Variants in CYLD observed in about 807,000 individuals in gnomAD.
The protein encoded by CYLD is ubiquitin carboxyl-terminal hydrolase CYLD.
Under a neutral mutation model 104.5 loss-of-function variants are expected in CYLD, and 26 were observed. That is an observed-to-expected ratio of 0.25 (90% CI 0.18 to 0.35). CYLD has a LOEUF of 0.35. CYLD is among the 10% of genes least tolerant of loss of function. CYLD has a pLI of 1.00. For missense variants in CYLD, 703 were observed against 1,136.1 expected, an observed-to-expected ratio of 0.62 and a Z score of 5.48; for synonymous variants, 385 against 399.9, an observed-to-expected ratio of 0.96 and a Z score of 0.45.
At chr16:50,781,963 ACT>A (rs2150997867) in intron 10 of CYLD, among the ~76,000 whole-genome samples, 1 of 152,158 alleles carries the variant, frequency 6.6e-6, no homozygotes, top group African/African-American at 2.4e-5. Context: ...TATGAAAAAC[ACT>A]CTTATTATGT....
intron 5 of CYLD, among the ~76,000 whole-genome samples, chr16:50,767,137 A>T (rs938158221): frequency 1.3e-5 from 2 of 152,208 alleles, no homozygotes; most frequent in African/African-American, 2.4e-5. Flanking sequence ...ACTTTCAGCA[A>T]CCATCACCGT....
At chr16:50,743,874 A>C (rs1965944250) in intron 2 of CYLD, among the ~76,000 whole-genome samples, 1 of 152,220 alleles carries the variant, frequency 6.6e-6, no homozygotes, top group Non-Finnish European at 1.5e-5. Flanking sequence ...TATCTAGAGA[A>C]TTACTGAAGT....
chr16:50,743,101 T>G (rs1471565847), intron 2 of CYLD, among the ~76,000 whole-genome samples: 3 of 152,130 alleles, frequency 2.0e-5, no homozygotes, highest in Non-Finnish European at 4.4e-5. Flanking sequence ...CCTGCCACCT[T>G]CTTCTCCTCA....
intron 18 of CYLD, chr16:50,795,752 C>A: frequency 1.7e-6 from 1 of 591,444 alleles, no homozygotes; most frequent in South Asian, 2.0e-5. Flanking sequence ...CACTAAACAG[C>A]GTAACACAAC....
At chr16:50,762,285 A>G (rs887745679) in intron 5 of CYLD, among the ~76,000 whole-genome samples, 3 of 151,838 alleles carry the variant, frequency 2.0e-5, no homozygotes, top group African/African-American at 4.8e-5. Context: ...TTCCTGTTCT[A>G]TACTGTTTTC....
rs1265604609 is a variant in CYLD, at chr16:50,801,888, A to T, written c.*5380A>T. On this transcript the variant is annotated 3_prime_UTR_variant, in exon 19 of 19. Coordinates refer to ENST00000427738, the MANE Select transcript of CYLD (RefSeq NM_001378743.1). Reference sequence around the variant, plus strand: ...GAATGAAGTGCTGCTGTGGAAAGAAATGTACATATACTATTTCTGTATCAT... The same window carrying T: ...GAATGAAGTGCTGCTGTGGAAAGAATTGTACATATACTATTTCTGTATCAT... 5 of 231,722 alleles carry T rather than the reference A, an allele frequency of 2.2e-5. No individual in the cohort carries two copies. Among genetic ancestry groups the T allele is most frequent in the Non-Finnish European group, 3.4e-5 (4 of 116,904 alleles). The allele number at this position is 231,722 out of a possible 1,614,324, so 14.4% of individuals were successfully genotyped here.
intron 3 of CYLD, among the ~76,000 whole-genome samples, 180 bp downstream of exon 3, chr16:50,750,382 C>T (rs1966521642): frequency 6.6e-6 from 1 of 152,110 alleles, no homozygotes; most frequent in African/African-American, 2.4e-5. Flanking sequence ...ATCCATAATC[C>T]AAAACTTGCT....
At position 50,799,930 on chromosome 16, in the gene CYLD, T is replaced by G. The variant is rs2151055268; in HGVS notation, c.*3422T>G. ...GTGCCTAGGATTGTATCAGAGGGAA[T>G]ATGAAATGTGTCCCTGCCCTACCTA... On this transcript the variant is annotated 3_prime_UTR_variant, in exon 19 of 19. Coordinates refer to ENST00000427738, the MANE Select transcript of CYLD (RefSeq NM_001378743.1). 4.3e-6 allele frequency: 1 copy of G among 233,054 alleles called. No individual in the cohort carries two copies. The highest frequency in any genetic ancestry group is 6.0e-5 in the East Asian group (1 of 16,552). 14.4% of individuals were successfully genotyped at this position (233,054 alleles called of 1,614,324 possible). A position where few individuals can be genotyped will look rare whatever the true frequency, so the allele number is the denominator to read the frequency against.
At chr16:50,779,422 G>A (rs898140667) in intron 8 of CYLD, among the ~76,000 whole-genome samples, 1 of 151,952 alleles carries the variant, frequency 6.6e-6, no homozygotes, top group Non-Finnish European at 1.5e-5. Context: ...TACGATACCC[G>A]CTGATAATAG....
Position 50,742,814 on chromosome 16 carries a change from A to T in CYLD, c.-151A>T, listed in dbSNP as rs1331022731. ...TCTACACAGCCACCCGGAGTTCCTT[A>T]GTTGAAAGGTGCGCCCTGCTGTGAC... is the stretch of plus-strand genomic sequence containing the variant. On this transcript the variant is annotated 5_prime_UTR_variant, in exon 2 of 19. Coordinates refer to ENST00000427738, the MANE Select transcript of CYLD (RefSeq NM_001378743.1). 1 of 371,008 alleles carries T rather than the reference A, an allele frequency of 2.7e-6. No homozygotes were observed. Among genetic ancestry groups the T allele is most frequent in the Non-Finnish European group, 4.7e-6 (1 of 211,938 alleles). The allele number at this position is 371,008 out of a possible 1,614,324, so 23.0% of individuals were successfully genotyped here.
chr16:50,747,856 T>C (rs752339413), intron 2 of CYLD, among the ~76,000 whole-genome samples: 64 of 152,246 alleles, frequency 4.2e-4, no homozygotes, highest in Non-Finnish European at 4.7e-4. Flanking sequence ...TACACAGATA[T>C]TTCAGTCATG....
rs1466338075 is a variant in CYLD at position 50,798,459 on chromosome 16, T to C, written c.*1951T>C. 4.3e-6 allele frequency: 1 copy of C among 232,500 alleles called. No homozygotes were observed. Among genetic ancestry groups the C allele is most frequent in the Non-Finnish European group, 8.5e-6 (1 of 117,710 alleles). 14.4% of individuals were successfully genotyped at this position (232,500 alleles called of 1,614,324 possible). On this transcript the variant is annotated 3_prime_UTR_variant, in exon 19 of 19. Transcript: ENST00000427738. ...ATCTAGAGATTATTTAATTAAAATA[T>C]ACAGGAGGATGTGTGTCAGTTATAT...
intron 16 of CYLD, 82 bp from the exon 17 acceptor site, chr16:50,793,464 A>G (rs1971630934): frequency 3.1e-6 from 3 of 976,078 alleles, no homozygotes; most frequent in Non-Finnish European, 5.0e-6. Context: ...TTTAAAGCCT[A>G]ACTTTTCTTT....
At chr16:50,770,453 C>CTT (rs1187147281) in intron 5 of CYLD, among the ~76,000 whole-genome samples, 3 of 142,008 alleles carry the variant, frequency 2.1e-5, no homozygotes, top group Non-Finnish European at 4.6e-5. Flanking sequence ...TTCTTTCTTT[C>CTT]TTTTTTTTTT....
At position 50,796,406 on chromosome 16, in the gene CYLD, G is replaced by T. The variant is rs564461318; in HGVS notation, c.2769G>T (p.Leu923=). ...ACTTGAAGATGTCTCTGGAAGACCTGCATTCCTTGGACTCCAGGAGAATCC... is the reference window on the plus strand; with the variant it reads ...ACTTGAAGATGTCTCTGGAAGACCTTCATTCCTTGGACTCCAGGAGAATCC... ...GEYLKMSLED[L]HSLDSRRIQG... is the part of the protein sequence containing the mutation. The change falls in exon 19 of 19, where the codon CTG becomes CTT. Residue 923 remains leucine (L), a synonymous_variant. Coordinates refer to ENST00000427738, the MANE Select transcript of CYLD (RefSeq NM_001378743.1). 6.2e-7 allele frequency: 1 copy of T among 1,614,106 alleles called. No individual in the cohort carries two copies. Among genetic ancestry groups the T allele is most frequent in the South Asian group, 1.1e-5 (1 of 91,076 alleles).
At chr16:50,757,051 A>T (rs1432376848) in intron 5 of CYLD, among the ~76,000 whole-genome samples, 2 of 152,200 alleles carry the variant, frequency 1.3e-5, no homozygotes, top group Non-Finnish European at 2.9e-5. Context: ...CTAATTCTAT[A>T]AAAGCTGAAT....
At chr16:50,775,249 GC>G (rs905013909) in intron 6 of CYLD, 75 bp downstream of exon 6, 9 of 1,108,958 alleles carry the variant, frequency 8.1e-6, no homozygotes, top group East Asian at 4.8e-5. Flanking sequence ...TTTTCACACT[GC>G]CTCTTCTACA....
At chr16:50,790,905 G>T (rs528811766) in intron 14 of CYLD, among the ~76,000 whole-genome samples, 1 of 152,272 alleles carries the variant, frequency 6.6e-6, no homozygotes, top group African/African-American at 2.4e-5. Context: ...TATTTAGGAG[G>T]AAAGATGCTC....
chr16:50,766,135 C>A (rs934393705), intron 5 of CYLD, among the ~76,000 whole-genome samples: 1 of 152,196 alleles, frequency 6.6e-6, no homozygotes, highest in African/African-American at 2.4e-5. Context: ...CAATGCCTGG[C>A]TTCAAAGCTT....
Sources: gnomAD v4.1 joint callset for allele counts (sites outside exome capture counted in the v4.1 genomes callset) on GRCh38, gnomAD v4.1.1 for gene constraint, MANE v1.5 for transcripts, NCBI Gene and HGNC (gene_info 2026-07-23, HGNC 2026-07-21) for gene names.